The following ASB4 variants were observed in gnomAD, a reference collection of about 807,000 sequenced individuals.
The protein encoded by ASB4 is ankyrin repeat and SOCS box containing 4, also known as ankyrin repeat and SOCS box protein 4.
In ASB4, 35 loss-of-function variants were observed where a neutral mutation model predicts 38.6. The ratio of observed to expected loss-of-function variants is 0.91; its 90% confidence interval spans 0.69 to 1.20. The LOEUF (loss-of-function observed/expected upper bound fraction) is 1.20, where lower values mean the gene tolerates loss of function less well. ASB4 is among the 50% of genes most tolerant of loss of function. ASB4 has a pLI of 0.00. For missense variants in ASB4, 557 were observed against 527.2 expected (o/e 1.06, Z -0.55); for synonymous variants, 195 against 201.3 (o/e 0.97, Z 0.26).
chr7:95,515,320 C>CTTT lies in ASB4; in HGVS notation c.488-12493_488-12492insTTT, dbSNP rs1790563817. 7.0e-4 allele frequency among the ~76,000 whole-genome samples: 43 copies of CTTT among 61,500 alleles called. 1 individual carries two copies. The highest frequency in any genetic ancestry group is 9.5e-4 in the East Asian group (2 of 2,116). 40.3% of individuals were successfully genotyped at this position (61,500 alleles called of 152,430 possible). Reference sequence around the variant, plus strand: ...TTCTTTCTTTCTTTCTTTCTTTCTTCCTTCCTTCCTTCCTTTCTTTCTTTC... The same window carrying CTTT: ...TTCTTTCTTTCTTTCTTTCTTTCTTCTTTCTTCCTTCCTTCCTTTCTTTCTTTC... On this transcript the variant is annotated intron_variant, in intron 2 of 4. Coordinates refer to ENST00000325885, the MANE Select transcript of ASB4 (RefSeq NM_016116.3).
At chr7:95,549,273 C>T in the ASB4 span, among the ~76,000 whole-genome samples, 2 of 150,186 alleles carry the variant, frequency 1.3e-5, no homozygotes, top group Non-Finnish European at 1.5e-5. Flanking sequence ...CACTAGATTC[C>T]ATTCCAGAAA....
At chr7:95,518,264 T>C (rs1236010940) in intron 2 of ASB4, among the ~76,000 whole-genome samples, 1 of 152,216 alleles carries the variant, frequency 6.6e-6, no homozygotes, top group Admixed American at 6.5e-5. Context: ...GCTAATGACA[T>C]ATGAACAAAA....
downstream of ASB4, among the ~76,000 whole-genome samples, chr7:95,541,209 C>G (rs1414695684): frequency 6.6e-6 from 1 of 152,108 alleles, no homozygotes; most frequent in African/African-American, 2.4e-5. Context: ...TGCTCCAGGC[C>G]TCAGTTTTTT....
Position 95,527,850 on chromosome 7 carries a change from G to T in ASB4, c.525G>T (p.Glu175Asp). 6.2e-7 allele frequency: 1 copy of T among 1,609,822 alleles called. No homozygotes were observed. The highest frequency in any genetic ancestry group is 8.5e-7 in the Non-Finnish European group (1 of 1,176,736). ...NVNMKTNNQD[E>D]ETPLHTAAHF... The stretch of plus-strand genomic sequence containing the variant: ...ACATGAAGACCAACAACCAAGATGA[G>T]GAGACGCCCTTGCACACGGCTGCCC... The change falls in exon 3 of 5, where the codon GAG becomes GAT. Residue 175 changes from glutamate (E) to aspartate (D), a missense_variant. Transcript: ENST00000325885.
intron 2 of ASB4, among the ~76,000 whole-genome samples, chr7:95,507,314 T>C (rs1790423955): frequency 6.6e-6 from 1 of 151,914 alleles, no homozygotes; most frequent in Non-Finnish European, 1.5e-5. Flanking sequence ...TTCCAGGTGC[T>C]AAGTTAGGGG....
In ASB4 at chr7:95,495,738, C is replaced by CTTTT. The variant is rs35506436; in HGVS notation, c.188-7_188-4dup. The CTTTT allele has an allele frequency of 8.0e-4, 1,152 of 1,442,268 alleles. 8 individuals carry two copies. The African/African-American group carries it at 0.014, about 17-fold the overall frequency. The allele number at this position is 1,442,268 out of a possible 1,614,324, so 89.3% of individuals were successfully genotyped here. On this transcript the variant is annotated intron_variant, in intron 1 of 4. Coordinates refer to ENST00000325885, the MANE Select transcript of ASB4 (RefSeq NM_016116.3). ...GTCAAGAAGTTAAACTTTCCTTTTC[C>CTTTT]TTTTTTTTTTTTTTTTCAGGTTACT... is the stretch of plus-strand genomic sequence containing the variant.
Position 95,505,696 on chromosome 7 carries a change from C to A in ASB4, c.487+9639C>A, listed in dbSNP as rs112794740. Reference sequence around the variant, plus strand: ...TTTCCTCTATCCGTGTCCCCCCCCCCCCAAATACTTATTCATTCCCTGTCC... The same window carrying A: ...TTTCCTCTATCCGTGTCCCCCCCCCACCAAATACTTATTCATTCCCTGTCC... On this transcript the variant is annotated intron_variant, in intron 2 of 4. Transcript: ENST00000325885. 9.9e-3 allele frequency among the ~76,000 whole-genome samples: 1,427 copies of A among 144,194 alleles called. 33 individuals carry two copies. Among genetic ancestry groups the A allele is most frequent in the African/African-American group, 0.034 (1,362 of 39,836 alleles). 94.6% of individuals were successfully genotyped at this position (144,194 alleles called of 152,430 possible). A position where few individuals can be genotyped will look rare whatever the true frequency, so the allele number is the denominator to read the frequency against.
upstream of ASB4, among the ~76,000 whole-genome samples, chr7:95,478,124 AT>A (rs547375420): frequency 1.5e-3 from 224 of 152,010 alleles, 1 homozygote; most frequent in Middle Eastern, 0.01. Flanking sequence ...GGGAAGGATA[AT>A]TTTTTTTTCT....
At chr7:95,479,974 G>A (rs1158578346) in intron 1 of ASB4, among the ~76,000 whole-genome samples, 1 of 152,132 alleles carries the variant, frequency 6.6e-6, no homozygotes, top group Non-Finnish European at 1.5e-5. Context: ...CTAAATATCA[G>A]CATAGCTTAT....
At chr7:95,485,908 C>T (rs1243926393), upstream of ASB4, 27 of 1,453,290 alleles carry the variant, frequency 1.9e-5, 1 homozygote, top group Middle Eastern at 1.9e-4. Flanking sequence ...CTCCAGCATG[C>T]GCCTGTTTGC....
At position 95,485,980 on chromosome 7, in the gene ASB4, C is replaced by T. The variant is rs769050117; in HGVS notation, c.9C>T (p.Gly3=). Residue 3 remains glycine (G), a synonymous_variant, in exon 1 of 5, where the codon GGC becomes GGT. Transcript: ENST00000325885. The part of the protein sequence containing the change: MD[G]TTAPVTKSGA... Reference sequence around the variant, plus strand: ...CCAGAGGGAGAGGAAGGATGGACGGCACCACTGCCCCTGTCACTAAATCTG... The same window carrying T: ...CCAGAGGGAGAGGAAGGATGGACGGTACCACTGCCCCTGTCACTAAATCTG... 2.5e-6 allele frequency: 4 copies of T among 1,613,496 alleles called. No homozygotes were observed. The highest frequency in any genetic ancestry group is 2.5e-6 in the Non-Finnish European group (3 of 1,179,626).
intron 3 of ASB4, among the ~76,000 whole-genome samples, chr7:95,535,433 C>T (rs1048580251): frequency 1.8e-5 from 2 of 113,226 alleles, no homozygotes; most frequent in East Asian, 2.1e-4. Flanking sequence ...TTATGTTCTC[C>T]GAAGTTTCAT....
chr7:95,496,625 T>A (rs971370415), intron 2 of ASB4, among the ~76,000 whole-genome samples: 1 of 151,948 alleles, frequency 6.6e-6, no homozygotes. Context: ...GGTGAGAGGA[T>A]CACTTGAGCC....
intron 2 of ASB4, among the ~76,000 whole-genome samples, chr7:95,510,287 C>G (rs1269583997): frequency 6.6e-6 from 1 of 152,200 alleles, no homozygotes; most frequent in Non-Finnish European, 1.5e-5. Flanking sequence ...AAAGCACACT[C>G]TCAACACAGA....
Position 95,537,744 on chromosome 7 carries a change from G to A in ASB4, c.1266G>A (p.Glu422=). The change falls in exon 5 of 5, where the codon GAG becomes GAA. Residue 422 remains glutamate, a synonymous_variant. Coordinates refer to ENST00000325885, the MANE Select transcript of ASB4 (RefSeq NM_016116.3). ...SLKKYLLLEP[E]GIIY ...AAAAGTACTTGCTTTTAGAGCCAGAGGGAATTATTTATTAAGCCTTATGAG... is the reference window on the plus strand; with the variant it reads ...AAAAGTACTTGCTTTTAGAGCCAGAAGGAATTATTTATTAAGCCTTATGAG... The A allele has an allele frequency of 6.2e-7, 1 of 1,613,612 alleles. No individual in the cohort carries two copies. Among genetic ancestry groups the A allele is most frequent in the African/African-American group, 1.3e-5 (1 of 75,022 alleles).
At chr7:95,531,836 A>G (rs1382109025) in intron 3 of ASB4, among the ~76,000 whole-genome samples, 1 of 152,110 alleles carries the variant, frequency 6.6e-6, no homozygotes, top group Admixed American at 6.5e-5. Flanking sequence ...TTTTCTTGGT[A>G]GCTCCACCAG....
chr7:95,488,668 CTTGGACG>C (rs1790128341), intron 1 of ASB4, among the ~76,000 whole-genome samples: 1 of 152,208 alleles, frequency 6.6e-6, no homozygotes, highest in African/African-American at 2.4e-5. Context: ...AGTTTTGGAC[CTTGGACG>C]CTGTTGAACT....
At chr7:95,484,912 GT>G (rs1790064225), upstream of ASB4, among the ~76,000 whole-genome samples, 1 of 151,238 alleles carries the variant, frequency 6.6e-6, no homozygotes, top group Non-Finnish European at 1.5e-5. Flanking sequence ...AAGTCTTTAA[GT>G]TTTTGCCACA....
chr7:95,503,373 A>G (rs915782160), intron 2 of ASB4, among the ~76,000 whole-genome samples: 3 of 152,150 alleles, frequency 2.0e-5, no homozygotes, highest in Non-Finnish European at 4.4e-5. Context: ...TTTCCTTTGC[A>G]TTTTTATGCC....
Sources: allele counts gnomAD v4.1 joint callset (sites outside exome capture counted in the v4.1 genomes callset), GRCh38; gene constraint gnomAD v4.1.1; transcripts MANE v1.5; gene names NCBI Gene and HGNC (gene_info 2026-07-23, HGNC 2026-07-21).